PCYT1B: variants seen among roughly 807,000 people sequenced by gnomAD.
PCYT1B encodes the protein phosphate cytidylyltransferase 1B, choline, also known as choline-phosphate cytidylyltransferase B.
PCYT1B carries 10 observed loss-of-function variants against 26.4 expected under a neutral mutation model. The ratio of observed to expected loss-of-function variants is 0.38; its 90% CI spans 0.23 to 0.64. PCYT1B has a LOEUF of 0.64. PCYT1B is among the 30% of genes least tolerant of loss of function. The probability of loss-of-function intolerance (pLI) is 0.56; values close to 1 mark genes in which losing one functional copy is unlikely to be tolerated. For missense variants in PCYT1B, 161 were observed against 292.7 expected (o/e 0.55, Z 3.28); for synonymous variants, 131 against 108.4 (o/e 1.21, Z -1.29).
At chrX:24,619,229 T>C (rs1240747645) in intron 1 of PCYT1B, 145 bp from the exon 2 acceptor site, 5 of 463,921 alleles carry the variant, frequency 1.1e-5, no homozygotes, top group Non-Finnish European at 2.0e-5. Context: ...TACTGTACTG[T>C]TAGACATAAA....
At chrX:24,645,611 A>G (rs1926598682) in intron 1 of PCYT1B, among the ~76,000 whole-genome samples, 1 of 111,685 alleles carries the variant, frequency 9.0e-6, no homozygotes. Flanking sequence ...ATGCTAAACC[A>G]TAAGTTGTTT....
chrX:24,624,429 G>A (rs745669530), intron 1 of PCYT1B, among the ~76,000 whole-genome samples: 2 of 112,212 alleles, frequency 1.8e-5, no homozygotes, highest in South Asian at 7.4e-4. Flanking sequence ...GTTTATGAAA[G>A]GAGGATAAGC....
chrX:24,662,102 G>C (rs781709654), intron 1 of PCYT1B, among the ~76,000 whole-genome samples: 1 of 112,473 alleles, frequency 8.9e-6, no homozygotes, highest in African/African-American at 3.2e-5. Context: ...CCAAGAGGTT[G>C]AGACTGCAGT....
chrX:24,609,614 A>G (rs1237710511), intron 2 of PCYT1B, among the ~76,000 whole-genome samples: 2 of 112,394 alleles, frequency 1.8e-5, no homozygotes, highest in Non-Finnish European at 3.8e-5. Flanking sequence ...AGTTAAGTTA[A>G]AAAGATATAA....
chrX:24,668,468 A>C (rs1927172456), intron 1 of PCYT1B, among the ~76,000 whole-genome samples: 1 of 111,380 alleles, frequency 9.0e-6, no homozygotes, highest in African/African-American at 3.3e-5. Context: ...CACTTCAATA[A>C]ATGGTCTCTT....
chrX:24,621,865 G>A, intron 1 of PCYT1B: 2 of 728,166 alleles, frequency 2.7e-6, no homozygotes, highest in Non-Finnish European at 3.2e-6. Context: ...AGAATGGTGT[G>A]TTCTTGATGG....
chrX:24,662,573 C>G (rs1320292677), intron 1 of PCYT1B, among the ~76,000 whole-genome samples: 1 of 112,035 alleles, frequency 8.9e-6, no homozygotes, highest in Non-Finnish European at 1.9e-5. Context: ...GGAACAAGCT[C>G]TCCTGGAACA....
chrX:24,667,507 A>G (rs1414223467), intron 1 of PCYT1B, among the ~76,000 whole-genome samples: 1 of 111,132 alleles, frequency 9.0e-6, no homozygotes, highest in Admixed American at 9.6e-5. Context: ...ACTTGAGGTC[A>G]GGAGTTTGAG....
At chrX:24,669,500 A>G (rs1208639077) in intron 1 of PCYT1B, among the ~76,000 whole-genome samples, 1 of 39,895 alleles carries the variant, frequency 2.5e-5, no homozygotes, top group Non-Finnish European at 4.3e-5. Context: ...ACTTCGTCTC[A>G]GAAAAAAAAA....
chrX:24,569,039 C>A (rs895454498), intron 7 of PCYT1B, among the ~76,000 whole-genome samples: 2 of 111,111 alleles, frequency 1.8e-5, no homozygotes, highest in Admixed American at 9.6e-5. Context: ...GGCAAAGTTG[C>A]AGTGAGCCGA....
intron 3 of PCYT1B, among the ~76,000 whole-genome samples, chrX:24,600,542 C>T (rs141989409): frequency 0.024 from 2,670 of 111,116 alleles, 81 homozygotes; most frequent in African/African-American, 0.081. Context: ...GTTCAAGAAG[C>T]CAGGGGACAA....
intron 1 of PCYT1B, among the ~76,000 whole-genome samples, chrX:24,624,024 T>C (rs990416312): frequency 1.0e-5 from 1 of 100,265 alleles, no homozygotes; most frequent in Admixed American, 1.1e-4. Flanking sequence ...CAGGCTGGAG[T>C]GCAGTGGCGC....
chrX:24,562,178 C>G lies in PCYT1B; in HGVS notation c.*115G>C, dbSNP rs1254813129. ...CTTCCCTTAGCAGAGTTCAGGGTCT[C>G]TCTGCTGAGCTGCAGCTCCTGTGAC... On this transcript the variant is annotated 3_prime_UTR_variant, in exon 8 of 8. Coordinates refer to ENST00000379144, the MANE Select transcript of PCYT1B (RefSeq NM_004845.5). The G allele has an allele frequency of 1.7e-6, 2 of 1,200,246 alleles. No individual in the cohort carries two copies. Among genetic ancestry groups the G allele is most frequent in the Non-Finnish European group, 2.2e-6 (2 of 890,099 alleles).
chrX:24,654,173 C>T (rs1171169244), intron 1 of PCYT1B, among the ~76,000 whole-genome samples: 6 of 85,340 alleles, frequency 7.0e-5, no homozygotes, highest in African/African-American at 1.8e-4. Flanking sequence ...GGTGCAATCT[C>T]GGCTCACTGC....
chrX:24,668,727 C>A (rs1027682235), intron 1 of PCYT1B, among the ~76,000 whole-genome samples: 5 of 108,716 alleles, frequency 4.6e-5, no homozygotes, highest in African/African-American at 1.7e-4. Context: ...GGATATAAAC[C>A]AAGTAGTGTA....
intron 1 of PCYT1B, among the ~76,000 whole-genome samples, chrX:24,627,585 A>G (rs1249656860): frequency 1.8e-5 from 2 of 111,841 alleles, no homozygotes; most frequent in Non-Finnish European, 3.8e-5. Context: ...TCAGCCTTCC[A>G]AAGTGCTGGG....
chrX:24,625,476 A>G (rs1406905770), intron 1 of PCYT1B, among the ~76,000 whole-genome samples: 3 of 110,302 alleles, frequency 2.7e-5, no homozygotes, highest in Middle Eastern at 4.2e-3. Flanking sequence ...AGACTCTTAA[A>G]TCAGGCAGCT....
intron 7 of PCYT1B, among the ~76,000 whole-genome samples, chrX:24,572,327 T>C (rs1602150233): frequency 9.0e-6 from 1 of 110,943 alleles, no homozygotes; most frequent in South Asian, 3.8e-4. Context: ...AGCACACAAA[T>C]CCTTTGCAGA....
chrX:24,662,931 T>C (rs1170903725), intron 1 of PCYT1B, among the ~76,000 whole-genome samples: 1 of 112,014 alleles, frequency 8.9e-6, no homozygotes, highest in Non-Finnish European at 1.9e-5. Context: ...GTTATACTTT[T>C]ACCAGTCAAG....
Sources: allele counts gnomAD v4.1 joint callset (sites outside exome capture counted in the v4.1 genomes callset), GRCh38; gene constraint gnomAD v4.1.1; transcripts MANE v1.5; gene names NCBI Gene and HGNC (gene_info 2026-07-23, HGNC 2026-07-21).